UGT2A3: variants seen among roughly 807,000 people sequenced by gnomAD.
UGT2A3 encodes UDP glucuronosyltransferase family 2 member A3.
Under a neutral mutation model 44.1 loss-of-function variants are expected in UGT2A3, and 55 were observed. The ratio of observed to expected loss-of-function variants is 1.25; its 90% CI spans 1.00 to 1.56. The LOEUF (loss-of-function observed/expected upper bound fraction) is 1.56. UGT2A3 is among the 40% of genes most tolerant of loss of function. UGT2A3 has a pLI of 0.00. For missense variants in UGT2A3, 733 were observed against 621.6 expected (o/e 1.18, Z -1.91); for synonymous variants, 243 against 215.1 (o/e 1.13, Z -1.13).
Position 68,951,355 on chromosome 4 carries a change from T to G in UGT2A3, c.406A>C (p.Lys136Gln). 1 of 1,612,740 alleles carries G rather than the reference T, an allele frequency of 6.2e-7. No individual in the cohort carries two copies. The highest frequency in any genetic ancestry group is 8.5e-7 in the Non-Finnish European group (1 of 1,179,262). ...TCGTAGTTGGTTTCCTGTAGCTTCT[T>G]CATAAGCGTCTGATTGTAGATAAAG... is the stretch of plus-strand genomic sequence containing the variant. ...ESFIYNQTLM[K>Q]KLQETNYDVM... The change falls in exon 1 of 6, where the codon AAG (lysine) becomes CAG (glutamine). Residue 136 changes from lysine to glutamine, a missense_variant. Coordinates refer to ENST00000251566, the MANE Select transcript of UGT2A3 (RefSeq NM_024743.4).
chr4:68,932,829 C>T, intron 2 of UGT2A3, 70 bp from the exon 3 acceptor site: 1 of 1,440,718 alleles, frequency 6.9e-7, no homozygotes, highest in Non-Finnish European at 9.5e-7. Flanking sequence ...GTTACTTACA[C>T]TTCTAAAATA....
intron 1 of UGT2A3, 99 bp downstream of exon 1, chr4:68,950,947 A>C: frequency 2.5e-6 from 2 of 805,094 alleles, no homozygotes; most frequent in Non-Finnish European, 3.6e-6. Flanking sequence ...TTCTAAAAAA[A>C]CTCATTGACC....
chr4:68,945,876 G>A (rs994769900), intron 1 of UGT2A3, among the ~76,000 whole-genome samples: 1 of 151,602 alleles, frequency 6.6e-6, no homozygotes, highest in Non-Finnish European at 1.5e-5. Context: ...TGATAAATGA[G>A]TACCACAATA....
chr4:68,943,262 A>G, intron 2 of UGT2A3: 2 of 1,140,798 alleles, frequency 1.8e-6, no homozygotes, highest in Non-Finnish European at 2.3e-6. Context: ...AATAAAGGGT[A>G]GAATGGCATG....
chr4:68,951,611 G>A lies in UGT2A3; in HGVS notation c.150C>T (p.Gly50=), dbSNP rs1718596963. The A allele has an allele frequency of 6.2e-7, 1 of 1,612,754 alleles. No homozygotes were observed. The highest frequency in any genetic ancestry group is 8.5e-7 in the Non-Finnish European group (1 of 1,179,374). Residue 50 remains glycine (G), a synonymous_variant, in exon 1 of 6, where the codon GGC becomes GGT. Coordinates refer to ENST00000251566, the MANE Select transcript of UGT2A3 (RefSeq NM_024743.4). ...AGTGAGTCAATACTGTTACCTCATG[G>A]CCTCTCACTATGAGCTCTTCTAGAA... ...KVILEELIVR[G]HEVTVLTHSK...
At chr4:68,946,286 C>G (rs1339152670) in intron 1 of UGT2A3, among the ~76,000 whole-genome samples, 1 of 151,668 alleles carries the variant, frequency 6.6e-6, no homozygotes, top group Non-Finnish European at 1.5e-5. Flanking sequence ...GAATTTGTTT[C>G]TCTTTAAAAT....
At chr4:68,934,536 G>A (rs935483579) in intron 2 of UGT2A3, among the ~76,000 whole-genome samples, 8 of 151,786 alleles carry the variant, frequency 5.3e-5, no homozygotes, top group South Asian at 2.1e-4. Context: ...ATAACAAAAT[G>A]AAACAAACCA....
rs1718607845 is a variant in UGT2A3 at position 68,951,774 on chromosome 4, T to G, written c.-14A>C. The G allele has an allele frequency of 6.5e-7, 1 of 1,548,580 alleles. No individual in the cohort carries two copies. On this transcript the variant is annotated 5_prime_UTR_variant, in exon 1 of 6. Transcript: ENST00000251566. ...GTCAGACCTCATGATGGCAGTTCCC[T>G]CACACACTGATCTGCAATGGTTTTG...
chr4:68,940,702 A>T (rs1034822803), intron 2 of UGT2A3, among the ~76,000 whole-genome samples: 2 of 148,454 alleles, frequency 1.3e-5, no homozygotes, highest in African/African-American at 4.9e-5. Flanking sequence ...TTTTATATAT[A>T]TATAAAACTT....
rs568912016 is a variant in UGT2A3, at chr4:68,935,304, A to G, written c.865-2545T>C. ...TATATATATATATATATATATATAT[A>G]TATATATATATATGCATAATATATT... On this transcript the variant is annotated intron_variant, in intron 2 of 5. Coordinates refer to ENST00000251566, the MANE Select transcript of UGT2A3 (RefSeq NM_024743.4). Among the ~76,000 whole-genome samples, 13 of 107,370 alleles carry G rather than the reference A, an allele frequency of 1.2e-4. 1 individual carries two copies. Among genetic ancestry groups the G allele is most frequent in the South Asian group, 5.4e-4 (2 of 3,674 alleles). The allele number at this position is 107,370 out of a possible 152,430, so 70.4% of individuals were successfully genotyped here. A position where few individuals can be genotyped will look rare whatever the true frequency, so the allele number is the denominator to read the frequency against.
At chr4:68,939,768 G>A (rs1437240490) in intron 2 of UGT2A3, among the ~76,000 whole-genome samples, 1 of 151,906 alleles carries the variant, frequency 6.6e-6, no homozygotes. Context: ...GCAACCTACA[G>A]AATGGGAGAA....
chr4:68,939,460 A>G (rs1309532362), intron 2 of UGT2A3, among the ~76,000 whole-genome samples: 1 of 152,188 alleles, frequency 6.6e-6, no homozygotes, highest in African/African-American at 2.4e-5. Context: ...AGGATTCCCT[A>G]TTTAATAAAT....
At chr4:68,950,983 A>G (rs1036216161) in intron 1 of UGT2A3, 63 bp downstream of exon 1, 2 of 1,200,704 alleles carry the variant, frequency 1.7e-6, no homozygotes, top group Non-Finnish European at 2.3e-6. Flanking sequence ...TAGACAATGT[A>G]TGACAATTTT....
chr4:68,947,971 C>G (rs918202703), intron 1 of UGT2A3, among the ~76,000 whole-genome samples: 4 of 151,738 alleles, frequency 2.6e-5, no homozygotes, highest in Non-Finnish European at 5.9e-5. Context: ...TAAGAGTCCT[C>G]TATAATTATT....
Position 68,951,658 on chromosome 4 carries a change from G to T in UGT2A3, c.103C>A (p.His35Asn). 1 of 1,612,334 alleles carries T rather than the reference G, an allele frequency of 6.2e-7. No individual in the cohort carries two copies. The highest frequency in any genetic ancestry group is 8.5e-7 in the Non-Finnish European group (1 of 1,179,374). Residue 35 changes from histidine to asparagine, a missense_variant, in exon 1 of 6, where the codon CAT (histidine) becomes AAT (asparagine). Coordinates refer to ENST00000251566, the MANE Select transcript of UGT2A3 (RefSeq NM_024743.4). ...KVLVWPCDMSHWLNVKVILEE... is the reference protein window; with the variant it reads ...KVLVWPCDMSNWLNVKVILEE... ...AGAATGACCTTGACATTAAGCCAAT[G>T]GCTCATGTCACAGGGCCACACCAGG... is the stretch of plus-strand genomic sequence containing the variant.
chr4:68,936,818 T>A (rs1049798938), intron 2 of UGT2A3, among the ~76,000 whole-genome samples: 1 of 142,386 alleles, frequency 7.0e-6, no homozygotes, highest in Non-Finnish European at 1.5e-5. Flanking sequence ...AGGGGACCCA[T>A]CTCACATACA....
chr4:68,941,452 C>T (rs1050056592), intron 2 of UGT2A3, among the ~76,000 whole-genome samples: 1 of 151,840 alleles, frequency 6.6e-6, no homozygotes, highest in South Asian at 2.1e-4. Flanking sequence ...GAAAATGAAA[C>T]TAGACCTCTA....
intron 2 of UGT2A3, among the ~76,000 whole-genome samples, chr4:68,944,301 T>C (rs1045794500): frequency 1.3e-5 from 2 of 151,750 alleles, no homozygotes; most frequent in Non-Finnish European, 1.5e-5. Flanking sequence ...GATTGCACAC[T>C]TAGGCATTAG....
intron 2 of UGT2A3, among the ~76,000 whole-genome samples, chr4:68,938,591 A>G (rs1328887230): frequency 6.6e-6 from 1 of 152,204 alleles, no homozygotes; most frequent in Admixed American, 6.5e-5. Flanking sequence ...CCCATAGCCA[A>G]TATCATACTG....
Sources: allele counts gnomAD v4.1 joint callset (sites outside exome capture counted in the v4.1 genomes callset), GRCh38; gene constraint gnomAD v4.1.1; transcripts MANE v1.5; gene names NCBI Gene and HGNC (gene_info 2026-07-23, HGNC 2026-07-21).